The following TTC27 variants were observed in gnomAD, a reference collection of about 807,000 sequenced individuals.
TTC27 encodes the protein tetratricopeptide repeat protein 27.
In TTC27, 79 loss-of-function variants were observed where a neutral mutation model predicts 115.9. The observed-to-expected ratio is 0.68, with a 90% confidence interval of 0.57 to 0.82. The LOEUF is 0.82. TTC27 is among the 40% of genes least tolerant of loss of function. TTC27 has a pLI of 0.00. For missense variants in TTC27, 1,054 were observed against 993.1 expected, an observed-to-expected ratio of 1.06 and a Z score of -0.82; for synonymous variants, 401 against 356.0, an observed-to-expected ratio of 1.13 and a Z score of -1.42.
At position 32,817,569 on chromosome 2, in the gene TTC27, A is replaced by T; in HGVS notation, c.2409+12A>T. 6.2e-7 allele frequency: 1 copy of T among 1,602,878 alleles called. No individual in the cohort carries two copies. The highest frequency in any genetic ancestry group is 8.5e-7 in the Non-Finnish European group (1 of 1,169,870). ...TATCTAAAGCAAAGGTGAGAGTGAC[A>T]TGTGAATTAATTGGAATTGTCATAT... On this transcript the variant is annotated intron_variant, in intron 19 of 19. Coordinates refer to ENST00000317907, the MANE Select transcript of TTC27 (RefSeq NM_017735.5).
At chr2:32,797,166 TCTG>T (rs1670730344) in intron 16 of TTC27, among the ~76,000 whole-genome samples, 1 of 117,686 alleles carries the variant, frequency 8.5e-6, no homozygotes, top group African/African-American at 3.7e-5. Flanking sequence ...AGAGTGAAAC[TCTG>T]TCTCAAAAAA....
At chr2:32,744,804 A>G (rs564540678) in intron 12 of TTC27, among the ~76,000 whole-genome samples, 1 of 152,234 alleles carries the variant, frequency 6.6e-6, no homozygotes, top group South Asian at 2.1e-4. Flanking sequence ...TAATCCCAGC[A>G]CTTTGGGAGA....
At chr2:32,795,728 T>TTATTATTATTATTAC in intron 16 of TTC27, among the ~76,000 whole-genome samples, 1 of 136,528 alleles carries the variant, frequency 7.3e-6, no homozygotes, top group African/African-American at 3.1e-5. Flanking sequence ...AATTTTTGTA[T>TTATTATTATTATTAC]TATTATTATT....
intron 9 of TTC27, among the ~76,000 whole-genome samples, chr2:32,689,613 T>A (rs1666748880): frequency 1.3e-5 from 2 of 152,114 alleles, no homozygotes; most frequent in Admixed American, 6.6e-5. Flanking sequence ...AATCCCAAAG[T>A]TAATGGGGGG....
intron 4 of TTC27, 82 bp downstream of exon 4, chr2:32,640,492 A>T: frequency 7.2e-7 from 1 of 1,398,260 alleles, no homozygotes; most frequent in Middle Eastern, 1.8e-4. Context: ...GTTGCTGACA[A>T]TGTCTTGGTC....
At chr2:32,724,642 A>G (rs1262045241) in intron 10 of TTC27, among the ~76,000 whole-genome samples, 1 of 152,256 alleles carries the variant, frequency 6.6e-6, no homozygotes, top group African/African-American at 2.4e-5. Flanking sequence ...GCTAAAGTAC[A>G]ATGGTTGTCT....
At chr2:32,742,894 C>T (rs1327750409) in intron 12 of TTC27, among the ~76,000 whole-genome samples, 1 of 152,124 alleles carries the variant, frequency 6.6e-6, no homozygotes, top group Non-Finnish European at 1.5e-5. Context: ...TGTGCGCACA[C>T]ACTTTTTAAA....
At chr2:32,742,271 A>T (rs1668672260) in intron 12 of TTC27, among the ~76,000 whole-genome samples, 1 of 152,236 alleles carries the variant, frequency 6.6e-6, no homozygotes, top group African/African-American at 2.4e-5. Flanking sequence ...GTAAGTTAAA[A>T]CCTGTTGTGC....
At chr2:32,778,948 G>T (rs952266767) in intron 14 of TTC27, among the ~76,000 whole-genome samples, 10 of 152,236 alleles carry the variant, frequency 6.6e-5, no homozygotes, top group African/African-American at 2.4e-4. Context: ...TTTAGGCCGG[G>T]TGTGGTGGCT....
chr2:32,726,814 C>T lies in TTC27; in HGVS notation c.1234-7014C>T, dbSNP rs75499843. On this transcript the variant is annotated intron_variant, in intron 10 of 19. Transcript: ENST00000317907. ...AGACTGGGTAATTTACATAGGAAAA[C>T]GGGGTTTAATGGACTTACAGTTTCA... 1.4e-3 allele frequency among the ~76,000 whole-genome samples: 215 copies of T among 152,192 alleles called. 2 individuals carry two copies. In the East Asian group the frequency reaches 0.035, roughly 25 times the overall value.
chr2:32,708,284 C>T lies in TTC27; in HGVS notation c.1233+5364C>T, dbSNP rs189325277. Among the ~76,000 whole-genome samples the T allele has an allele frequency of 1.7e-3, 186 of 106,452 alleles. 1 individual carries two copies. The highest frequency in any genetic ancestry group is 6.2e-3 in the African/African-American group (174 of 28,196). The allele number at this position is 106,452 out of a possible 152,430, so 69.8% of individuals were successfully genotyped here. A position where few individuals can be genotyped will look rare whatever the true frequency, so the allele number is the denominator to read the frequency against. On this transcript the variant is annotated intron_variant, in intron 10 of 19. Transcript: ENST00000317907. ...TATTTTCTCTTTTTTTTCTTAATAG[C>T]GTTTTCTTTTCTCTACCTTGTTTTT...
In TTC27 at chr2:32,668,096, C is replaced by T. The variant is rs532294555; in HGVS notation, c.939+1328C>T. On this transcript the variant is annotated intron_variant, in intron 7 of 19. Transcript: ENST00000317907. ...GTCCCAGCTACTCAGGAGGCTGAGG[C>T]AGGAGAATGGCGTGAATCTGGGAGA... Among the ~76,000 whole-genome samples the T allele has an allele frequency of 2.6e-3, 391 of 151,670 alleles. 1 individual carries two copies. Among genetic ancestry groups the T allele is most frequent in the Non-Finnish European group, 4.3e-3 (291 of 67,904 alleles).
At chr2:32,701,269 A>C (rs1168578289) in intron 9 of TTC27, among the ~76,000 whole-genome samples, 1 of 151,692 alleles carries the variant, frequency 6.6e-6, no homozygotes, top group African/African-American at 2.4e-5. Context: ...TTCTTGATGT[A>C]CTCCTCTTCC....
intron 9 of TTC27, among the ~76,000 whole-genome samples, chr2:32,681,980 A>ATGTGTGTGTG (rs70938359): frequency 3.8e-4 from 34 of 90,036 alleles, no homozygotes; most frequent in Admixed American, 2.6e-3. Context: ...ATGTATATAT[A>ATGTGTGTGTG]TGTGTGTGTG....
chr2:32,754,062 A>G (rs1171301262), intron 12 of TTC27, among the ~76,000 whole-genome samples: 2 of 152,094 alleles, frequency 1.3e-5, no homozygotes, highest in East Asian at 3.9e-4. Flanking sequence ...GACAGAAGCA[A>G]GACTCCATCT....
chr2:32,692,036 G>GTTTTTTTTCTTTTTTTT, intron 9 of TTC27, among the ~76,000 whole-genome samples: 1 of 61,188 alleles, frequency 1.6e-5, no homozygotes, highest in Non-Finnish European at 2.9e-5. Flanking sequence ...AATTTTTTAG[G>GTTTTTTTTCTTTTTTTT]TTTTTTTTTT....
intron 5 of TTC27, among the ~76,000 whole-genome samples, chr2:32,659,904 C>G (rs1490633601): frequency 6.6e-6 from 1 of 152,010 alleles, no homozygotes; most frequent in African/African-American, 2.4e-5. Flanking sequence ...TTTTCTTTAT[C>G]CAGTCTATCA....
At chr2:32,659,875 A>G (rs1665471682) in intron 5 of TTC27, among the ~76,000 whole-genome samples, 1 of 152,114 alleles carries the variant, frequency 6.6e-6, no homozygotes. Context: ...ATGGTATTCC[A>G]TGGTGTATAT....
intron 12 of TTC27, among the ~76,000 whole-genome samples, chr2:32,743,613 A>G (rs1196060936): frequency 1.3e-5 from 2 of 152,222 alleles, no homozygotes; most frequent in East Asian, 1.9e-4. Context: ...GGACTGTTCT[A>G]TCGCAAAATA....
Sources: gnomAD v4.1 joint callset for allele counts (sites outside exome capture counted in the v4.1 genomes callset) on GRCh38, gnomAD v4.1.1 for gene constraint, MANE v1.5 for transcripts, NCBI Gene and HGNC (gene_info 2026-07-23, HGNC 2026-07-21) for gene names.